The following PCDHGB2 variants were observed in gnomAD, a reference collection of about 807,000 sequenced individuals.
The protein encoded by PCDHGB2 is protocadherin gamma-B2.
PCDHGB2 carries 55 observed loss-of-function variants against 59.3 expected under a neutral mutation model. That is an observed-to-expected ratio of 0.93 (90% CI 0.75 to 1.16). The LOEUF is 1.16. Among genes scored for constraint, PCDHGB2 ranks in the 50% most tolerant of loss-of-function variants. The probability of loss-of-function intolerance (pLI) is 0.00; values close to 1 mark genes in which losing one functional copy is unlikely to be tolerated. For missense variants in PCDHGB2, 1,228 were observed against 1,198.5 expected (o/e 1.02, Z -0.36); for synonymous variants, 516 against 512.0 (o/e 1.01, Z -0.11).
chr5:141,389,612 G>A, intron 1 of PCDHGB2: 1 of 1,613,040 alleles, frequency 6.2e-7, no homozygotes, highest in Non-Finnish European at 8.5e-7. Flanking sequence ...TCGATATGGT[G>A]CCGCACGCTG....
At chr5:141,430,853 C>G (rs769009864) in intron 1 of PCDHGB2, 2 of 1,587,214 alleles carry the variant, frequency 1.3e-6, no homozygotes, top group Non-Finnish European at 1.7e-6. Flanking sequence ...CACCCAGATA[C>G]GCTATTCAGT....
chr5:141,482,753 G>A (rs2154579665), intron 1 of PCDHGB2, among the ~76,000 whole-genome samples: 1 of 127,136 alleles, frequency 7.9e-6, no homozygotes. Context: ...GAGGGATTAT[G>A]GTATTTCATT....
At chr5:141,398,675 A>C (rs1462726875) in intron 1 of PCDHGB2, 1 of 1,613,974 alleles carries the variant, frequency 6.2e-7, no homozygotes, top group Non-Finnish European at 8.5e-7. Flanking sequence ...TTAATAATTA[A>C]GGAGAAACAG....
intron 1 of PCDHGB2, chr5:141,375,669 A>T (rs755513841): frequency 1.8e-5 from 29 of 1,614,240 alleles, no homozygotes; most frequent in Non-Finnish European, 2.4e-5. Context: ...AGAGACCTAC[A>T]GCTGTGGGTG....
intron 1 of PCDHGB2, among the ~76,000 whole-genome samples, chr5:141,368,592 A>T (rs1277512291): frequency 6.6e-6 from 1 of 152,198 alleles, no homozygotes; most frequent in South Asian, 2.1e-4. Flanking sequence ...TGTTTGGGAA[A>T]AAAGTAAAGG....
intron 1 of PCDHGB2, chr5:141,389,554 C>T: frequency 1.2e-6 from 2 of 1,613,184 alleles, no homozygotes; most frequent in South Asian, 1.1e-5. Context: ...AACGACAATG[C>T]GCCACGGGTG....
intron 1 of PCDHGB2, among the ~76,000 whole-genome samples, chr5:141,472,611 G>T (rs1055885253): frequency 1.3e-5 from 2 of 151,938 alleles, no homozygotes; most frequent in South Asian, 4.1e-4. Context: ...ATAAAACAAA[G>T]AAGAAAAAAG....
intron 1 of PCDHGB2, chr5:141,383,858 A>C (rs1368399969): frequency 1.2e-6 from 2 of 1,613,996 alleles, no homozygotes. Flanking sequence ...ATGGAGGTTC[A>C]GGCTCAAGAT....
rs891428609 is a variant in PCDHGB2, at chr5:141,503,553, C to T, written c.2481-1840C>T. Among the ~76,000 whole-genome samples the T allele has an allele frequency of 9.4e-5, 14 of 149,164 alleles. No homozygotes were observed. In the East Asian group the frequency reaches 2.2e-3, roughly 23 times the overall value. On this transcript the variant is annotated intron_variant, in intron 2 of 3. Coordinates refer to ENST00000522605, the MANE Select transcript of PCDHGB2 (RefSeq NM_018923.3). ...GGCAGAGGTTGCAGTGAGCCGAGAT[C>T]GCGCCACTGTACTCCAGCCTGGGTG...
chr5:141,393,085 ATCGGGAGGAGC>A (rs2092673421), intron 1 of PCDHGB2: 1 of 1,613,542 alleles, frequency 6.2e-7, no homozygotes, highest in African/African-American at 1.3e-5. Flanking sequence ...GGCAGGATAG[ATCGGGAGGAGC>A]TCTGCGCTCA....
intron 1 of PCDHGB2, chr5:141,372,461 G>C (rs749088592): frequency 2.5e-6 from 4 of 1,613,922 alleles, no homozygotes; most frequent in Non-Finnish European, 2.5e-6. Context: ...CGGAGCTACA[G>C]TTTCACCTAG....
chr5:141,402,229 A>G (rs1263337414), intron 1 of PCDHGB2, among the ~76,000 whole-genome samples: 4 of 152,110 alleles, frequency 2.6e-5, no homozygotes, highest in Non-Finnish European at 5.9e-5. Context: ...ACGTTTTTCC[A>G]GGAATTTTAT....
At position 141,510,993 on chromosome 5, in the gene PCDHGB2, G is replaced by A. The variant is rs1457918073; in HGVS notation, c.2616G>A (p.Met872Ile). The A allele has an allele frequency of 4.3e-6, 7 of 1,614,046 alleles. No homozygotes were observed. Among genetic ancestry groups the A allele is most frequent in the African/African-American group, 1.3e-5 (1 of 74,906 alleles). ...CCCTGGGAGGGGGTGCCGGCACCAT[G>A]GGATTGAGCGCCCGCTACGGACCCC... ...SSTLGGGAGT[M>I]GLSARYGPQF... The change falls in exon 4 of 4, where the codon ATG (methionine) becomes ATA (isoleucine). Residue 872 changes from methionine to isoleucine, a missense_variant. Transcript: ENST00000522605.
At chr5:141,498,796 G>C (rs1160540093) in intron 2 of PCDHGB2, among the ~76,000 whole-genome samples, 1 of 152,032 alleles carries the variant, frequency 6.6e-6, no homozygotes, top group African/African-American at 2.4e-5. Context: ...AGCCAGGTGT[G>C]GTGGTGCACA....
chr5:141,403,204 G>C, intron 1 of PCDHGB2: 3 of 1,613,952 alleles, frequency 1.9e-6, no homozygotes, highest in Non-Finnish European at 2.5e-6. Flanking sequence ...GCGGCACCTT[G>C]GTCACCGCGG....
intron 1 of PCDHGB2, chr5:141,392,542 A>T: frequency 3.1e-6 from 1 of 323,438 alleles, no homozygotes; most frequent in South Asian, 1.2e-4. Flanking sequence ...ATTTAGAAGT[A>T]ATCTGTATCT....
chr5:141,408,277 C>T (rs367948897), intron 1 of PCDHGB2: 2 of 1,611,980 alleles, frequency 1.2e-6, no homozygotes, highest in African/African-American at 1.3e-5. Context: ...TGCCTTTGTT[C>T]TACCCCACCC....
chr5:141,476,725 C>G lies in PCDHGB2; in HGVS notation c.2422-18082C>G. On this transcript the variant is annotated intron_variant, in intron 1 of 3. Coordinates refer to ENST00000522605, the MANE Select transcript of PCDHGB2 (RefSeq NM_018923.3). This position sits in a 1 kb window ranked among gnomAD's most constrained non-coding sequence, Gnocchi z 7.6. ...AGCTGGTGTTGGAGCGCGCCCTGGA[C>G]CGAGAACGGGAGCCTAGTCTCCAGT... The G allele has an allele frequency of 6.2e-7, 1 of 1,614,132 alleles. No homozygotes were observed. Among genetic ancestry groups the G allele is most frequent in the Non-Finnish European group, 8.5e-7 (1 of 1,180,038 alleles).
intron 1 of PCDHGB2, chr5:141,372,274 G>A (rs767978142): frequency 6.2e-7 from 1 of 1,613,078 alleles, no homozygotes; most frequent in East Asian, 2.2e-5. Flanking sequence ...GGTGAGGTGC[G>A]CACGGCGCGT....
Sources: allele counts gnomAD v4.1 joint callset (sites outside exome capture counted in the v4.1 genomes callset), GRCh38; gene constraint gnomAD v4.1.1; non-coding constraint Gnocchi (gnomAD v3.1); transcripts MANE v1.5; gene names NCBI Gene and HGNC (gene_info 2026-07-23, HGNC 2026-07-21).